Variants in LARGE1 observed in about 807,000 individuals in gnomAD.
LARGE1 encodes the protein LARGE xylosyl- and glucuronyltransferase 1.
In LARGE1, 43 loss-of-function variants were observed where a neutral mutation model predicts 87.6. That is an observed-to-expected ratio of 0.49 (90% CI 0.38 to 0.63). The LOEUF is 0.63. LARGE1 is among the 30% of genes least tolerant of loss of function. The pLI, the probability that LARGE1 is intolerant of heterozygous loss-of-function variation, is 0.00. For missense variants in LARGE1, 802 were observed against 1,000.2 expected, an observed-to-expected ratio of 0.80 and a Z score of 2.67; for synonymous variants, 434 against 394.6, an observed-to-expected ratio of 1.10 and a Z score of -1.18.
chr22:33,444,087 T>G (rs931515505), intron 6 of LARGE1, among the ~76,000 whole-genome samples: 3 of 152,282 alleles, frequency 2.0e-5, no homozygotes, highest in Non-Finnish European at 4.4e-5. Flanking sequence ...TTCTCCAGAA[T>G]GCTGCAAAGC....
chr22:33,868,767 C>T (rs1425980228), intron 1 of LARGE1, among the ~76,000 whole-genome samples: 1 of 152,182 alleles, frequency 6.6e-6, no homozygotes, highest in Admixed American at 6.5e-5. Context: ...CAAATCCCAA[C>T]TCATCATGCA....
chr22:33,717,752 A>G (rs775051395), intron 2 of LARGE1, among the ~76,000 whole-genome samples: 8 of 152,358 alleles, frequency 5.3e-5, no homozygotes, highest in Middle Eastern at 6.8e-3. Context: ...CAAGGAATGA[A>G]GGATGAAAAC....
rs140674809 is a variant in LARGE1 at position 33,413,344 on chromosome 22, C to T, written c.892+18817G>A. On this transcript the variant is annotated intron_variant, in intron 7 of 14. Coordinates refer to ENST00000397394, the MANE Select transcript of LARGE1 (RefSeq NM_133642.5). ...AGAGCCACAGTTTATTAAATGCCTG[C>T]TATATGCCAGAATACAAATTTTTCC... Among the ~76,000 whole-genome samples, 402 of 152,210 alleles carry T rather than the reference C, an allele frequency of 2.6e-3. 1 individual carries two copies. The highest frequency in any genetic ancestry group is 8.6e-3 in the African/African-American group (358 of 41,526).
intron 6 of LARGE1, among the ~76,000 whole-genome samples, chr22:33,442,862 C>T (rs967565361): frequency 1.1e-4 from 17 of 151,386 alleles, no homozygotes; most frequent in Admixed American, 7.9e-4. Context: ...GCACTATCTC[C>T]GCTCACTGCA....
At chr22:33,837,512 G>GA (rs1270486923) in intron 1 of LARGE1, among the ~76,000 whole-genome samples, 1 of 152,194 alleles carries the variant, frequency 6.6e-6, no homozygotes, top group Non-Finnish European at 1.5e-5. Flanking sequence ...AAAGGATTGT[G>GA]AGAGACAAAC....
intron 6 of LARGE1, among the ~76,000 whole-genome samples, chr22:33,469,050 G>A (rs1174944925): frequency 1.3e-5 from 2 of 152,224 alleles, no homozygotes; most frequent in Non-Finnish European, 2.9e-5. Flanking sequence ...ATGCTGGTGA[G>A]GTTCTGGAGA....
the LARGE1 span, among the ~76,000 whole-genome samples, chr22:33,151,088 T>C: frequency 1.3e-5 from 2 of 152,214 alleles, no homozygotes; most frequent in Admixed American, 6.5e-5. Context: ...AGGCACAGTA[T>C]GCTTCTCCAT....
chr22:33,495,326 T>C (rs1317003430), intron 6 of LARGE1, among the ~76,000 whole-genome samples: 2 of 152,182 alleles, frequency 1.3e-5, no homozygotes, highest in African/African-American at 2.4e-5. Flanking sequence ...TTATTTACGC[T>C]CTCCCAAGCC....
intron 6 of LARGE1, among the ~76,000 whole-genome samples, chr22:33,527,493 T>C (rs2148547417): frequency 6.6e-6 from 1 of 152,296 alleles, no homozygotes; most frequent in Non-Finnish European, 1.5e-5. Flanking sequence ...CGGCCTTTCA[T>C]TGGTGGGTGG....
intron 1 of LARGE1, among the ~76,000 whole-genome samples, chr22:33,839,858 G>T (rs575025836): frequency 6.6e-6 from 1 of 152,274 alleles, no homozygotes; most frequent in Admixed American, 6.5e-5. Context: ...CTACTACAAT[G>T]AACTATGCCC....
chr22:33,597,414 T>C (rs937399794), intron 5 of LARGE1, among the ~76,000 whole-genome samples: 1 of 149,910 alleles, frequency 6.7e-6, no homozygotes, highest in Non-Finnish European at 1.5e-5. Context: ...AGGAAACAGA[T>C]AGGGTAGCAG....
intron 1 of LARGE1, among the ~76,000 whole-genome samples, chr22:33,788,001 T>TAGGA (rs2085705865): frequency 6.6e-6 from 1 of 152,226 alleles, no homozygotes; most frequent in Admixed American, 6.5e-5. Context: ...CATGAAACCC[T>TAGGA]GCCCAGTAAA....
At chr22:33,811,241 T>C (rs986901084) in intron 1 of LARGE1, among the ~76,000 whole-genome samples, 3 of 152,158 alleles carry the variant, frequency 2.0e-5, no homozygotes, top group African/African-American at 7.2e-5. Context: ...CTGTATTTCT[T>C]ACAAATAGCT....
At chr22:33,512,404 A>T (rs2071095674) in intron 6 of LARGE1, among the ~76,000 whole-genome samples, 1 of 152,252 alleles carries the variant, frequency 6.6e-6, no homozygotes, top group Non-Finnish European at 1.5e-5. Context: ...AGTTACAAAG[A>T]TCGATAATAT....
At chr22:33,609,465 A>T (rs550412573) in intron 4 of LARGE1, among the ~76,000 whole-genome samples, 1 of 152,340 alleles carries the variant, frequency 6.6e-6, no homozygotes, top group East Asian at 1.9e-4. Flanking sequence ...TTGGTAGTGA[A>T]GAATCTGGGA....
intron 13 of LARGE1, 47 bp downstream of exon 13, chr22:33,283,155 A>G (rs1281946441): frequency 3.7e-6 from 6 of 1,611,968 alleles, no homozygotes; most frequent in South Asian, 2.2e-5. Flanking sequence ...CCCAGGAGAA[A>G]GAAGGCCTTC....
At chr22:33,755,479 G>A (rs765486092) in intron 2 of LARGE1, among the ~76,000 whole-genome samples, 3 of 152,114 alleles carry the variant, frequency 2.0e-5, no homozygotes, top group Admixed American at 6.5e-5. Flanking sequence ...ATGCTGATAA[G>A]TCTCTAATAG....
Position 33,375,750 on chromosome 22 carries a change from T to TTTTA in LARGE1, c.1131+6165_1131+6168dup, listed in dbSNP as rs548455465. On this transcript the variant is annotated intron_variant, in intron 9 of 14. Transcript: ENST00000397394. ...ATTTTTATTTTTATTTATGTTTATT[T>TTTTA]TTTATTTATTTTTTTGAGACATGGT... 3.8e-3 allele frequency among the ~76,000 whole-genome samples: 576 copies of TTTTA among 152,230 alleles called. 3 individuals are homozygous for TTTTA. The highest frequency in any genetic ancestry group is 0.013 in the African/African-American group (542 of 41,546).
At chr22:33,226,087 G>T (rs1012254632) in intron 11 of LARGE1, among the ~76,000 whole-genome samples, 14 of 152,192 alleles carry the variant, frequency 9.2e-5, no homozygotes, top group African/African-American at 3.1e-4. Context: ...GATGGGACTG[G>T]TACATTGAAT....
Sources: allele counts gnomAD v4.1 joint callset (sites outside exome capture counted in the v4.1 genomes callset), GRCh38; gene constraint gnomAD v4.1.1; transcripts MANE v1.5; gene names NCBI Gene and HGNC (gene_info 2026-07-23, HGNC 2026-07-21).